HCRTR2: variants seen among roughly 807,000 people sequenced by gnomAD.
HCRTR2 encodes hypocretin receptor 2.
HCRTR2 carries 22 observed loss-of-function variants against 49.0 expected under a neutral mutation model. The ratio of observed to expected loss-of-function variants is 0.45; its 90% confidence interval spans 0.32 to 0.64. The LOEUF (loss-of-function observed/expected upper bound fraction) is 0.64. Ranked by LOEUF, HCRTR2 falls within the 30% of genes least tolerant of loss-of-function variation. HCRTR2 has a pLI of 0.04. For missense variants in HCRTR2, 491 were observed against 559.4 expected, an observed-to-expected ratio of 0.88 and a Z score of 1.23; for synonymous variants, 236 against 205.3, an observed-to-expected ratio of 1.15 and a Z score of -1.28.
chr6:55,112,117 C>T (rs961828535), intron 1 of HCRTR2, among the ~76,000 whole-genome samples: 5 of 151,716 alleles, frequency 3.3e-5, no homozygotes, highest in Non-Finnish European at 5.9e-5. Flanking sequence ...AAACCCTCAA[C>T]AAAATCAGCA....
intron 1 of HCRTR2, among the ~76,000 whole-genome samples, chr6:55,132,661 G>A (rs1764374778): frequency 6.6e-6 from 1 of 151,584 alleles, no homozygotes; most frequent in Non-Finnish European, 1.5e-5. Flanking sequence ...TTAAGCTTAA[G>A]GGAAAGAAGA....
chr6:55,237,461 C>T (rs1369797522), intron 1 of HCRTR2, among the ~76,000 whole-genome samples: 1 of 152,120 alleles, frequency 6.6e-6, no homozygotes, highest in African/African-American at 2.4e-5. Context: ...GGTTGTTTAC[C>T]TACTTGATAG....
At chr6:55,120,677 AT>A (rs1764185136) in intron 1 of HCRTR2, among the ~76,000 whole-genome samples, 2 of 151,846 alleles carry the variant, frequency 1.3e-5, no homozygotes, top group South Asian at 2.1e-4. Context: ...TTTTCTAAAT[AT>A]ACAATCATGT....
intron 1 of HCRTR2, among the ~76,000 whole-genome samples, chr6:55,202,697 C>T (rs1049725024): frequency 1.3e-5 from 2 of 152,042 alleles, no homozygotes; most frequent in Non-Finnish European, 2.9e-5. Context: ...GCTCTCATGA[C>T]CTATTCCTTC....
intron 3 of HCRTR2, among the ~76,000 whole-genome samples, chr6:55,260,819 T>C (rs1264039281): frequency 6.6e-6 from 1 of 152,208 alleles, no homozygotes; most frequent in Admixed American, 6.5e-5. Flanking sequence ...ATATTATCTA[T>C]TATTATGACA....
chr6:55,133,104 G>A (rs567870609), intron 1 of HCRTR2, among the ~76,000 whole-genome samples: 2 of 151,862 alleles, frequency 1.3e-5, no homozygotes, highest in African/African-American at 2.4e-5. Flanking sequence ...TGATTTAATC[G>A]TTAATTGATA....
intron 1 of HCRTR2, among the ~76,000 whole-genome samples, chr6:55,182,985 T>C (rs985170452): frequency 6.6e-6 from 1 of 152,200 alleles, no homozygotes; most frequent in African/African-American, 2.4e-5. Context: ...GGCATACCAC[T>C]AAGATAAGCT....
chr6:55,109,823 C>T (rs2127610357), intron 1 of HCRTR2, among the ~76,000 whole-genome samples: 1 of 152,266 alleles, frequency 6.6e-6, no homozygotes, highest in East Asian at 1.9e-4. Context: ...GAAAACTTCT[C>T]TGGAGGTGCT....
chr6:55,247,542 G>A (rs1393086418), intron 1 of HCRTR2, among the ~76,000 whole-genome samples: 1 of 152,110 alleles, frequency 6.6e-6, no homozygotes, highest in African/African-American at 2.4e-5. Context: ...TGACAGCTCT[G>A]ACAGGTTTGT....
chr6:55,136,216 G>A (rs184436712), intron 1 of HCRTR2, among the ~76,000 whole-genome samples: 2 of 152,130 alleles, frequency 1.3e-5, no homozygotes, highest in Admixed American at 6.5e-5. Flanking sequence ...AAGCTCAAAG[G>A]TACTTAAATG....
chr6:55,226,025 G>A (rs1765997219), intron 1 of HCRTR2, among the ~76,000 whole-genome samples: 1 of 152,204 alleles, frequency 6.6e-6, no homozygotes, highest in Non-Finnish European at 1.5e-5. Context: ...CCTGTGCAAT[G>A]AGAGGGACAA....
chr6:55,195,260 T>C (rs1242483484), intron 1 of HCRTR2, among the ~76,000 whole-genome samples: 2 of 151,910 alleles, frequency 1.3e-5, no homozygotes, highest in Non-Finnish European at 2.9e-5. Flanking sequence ...AAGAAAATAA[T>C]AAACTGAAAG....
At chr6:55,283,881 T>C (rs923723279), downstream of HCRTR2, among the ~76,000 whole-genome samples, 7 of 152,196 alleles carry the variant, frequency 4.6e-5, no homozygotes, top group East Asian at 1.9e-4. Context: ...GAATTTGGGA[T>C]TCTGTTACCT....
At chr6:55,278,668 C>G (rs1475690714) in intron 5 of HCRTR2, among the ~76,000 whole-genome samples, 4 of 151,744 alleles carry the variant, frequency 2.6e-5, no homozygotes, top group African/African-American at 9.7e-5. Context: ...CATATGCCAG[C>G]TCACAAGAAA....
intron 1 of HCRTR2, among the ~76,000 whole-genome samples, chr6:55,112,280 T>TTGG: frequency 6.6e-6 from 1 of 151,668 alleles, no homozygotes; most frequent in East Asian, 1.9e-4. Context: ...CGTAGTACCA[T>TTGG]AAGTTTTAGC....
intron 1 of HCRTR2, among the ~76,000 whole-genome samples, chr6:55,116,055 A>AT (rs951729294): frequency 1.1e-4 from 16 of 151,220 alleles, no homozygotes; most frequent in Non-Finnish European, 1.9e-4. Context: ...AGACATTTCC[A>AT]TTTTTTTTAA....
intron 1 of HCRTR2, among the ~76,000 whole-genome samples, chr6:55,115,634 C>T (rs1764105973): frequency 6.6e-6 from 1 of 151,446 alleles, no homozygotes; most frequent in Non-Finnish European, 1.5e-5. Context: ...ATGGTAGTTA[C>T]CATTTTTATT....
chr6:55,112,678 G>A (rs1330007811), intron 1 of HCRTR2, among the ~76,000 whole-genome samples: 1 of 151,890 alleles, frequency 6.6e-6, no homozygotes, highest in Non-Finnish European at 1.5e-5. Flanking sequence ...CATGTTCATG[G>A]ATATGTAAAC....
At chr6:55,265,726 A>T (rs924997665) in intron 4 of HCRTR2, among the ~76,000 whole-genome samples, 2 of 152,108 alleles carry the variant, frequency 1.3e-5, no homozygotes, top group African/African-American at 4.8e-5. Context: ...ACAGAAGTCA[A>T]AAACACAAGG....
Sources: allele counts gnomAD v4.1 joint callset (sites outside exome capture counted in the v4.1 genomes callset), GRCh38; gene constraint gnomAD v4.1.1; transcripts MANE v1.5; gene names NCBI Gene and HGNC (gene_info 2026-07-23, HGNC 2026-07-21).